ENTREP2: variants seen among roughly 807,000 people sequenced by gnomAD.
ENTREP2 encodes protein ENTREP2.
At chr15:29,496,946 G>T in the ENTREP2 span, among the ~76,000 whole-genome samples, 1 of 152,116 alleles carries the variant, frequency 6.6e-6, no homozygotes, top group Admixed American at 6.5e-5. Context: ...TTCTTGCTAT[G>T]GTTTGAATAT....
At chr15:29,546,915 A>C in the ENTREP2 span, among the ~76,000 whole-genome samples, 12 of 145,810 alleles carry the variant, frequency 8.2e-5, no homozygotes, top group African/African-American at 7.7e-5. Context: ...AAAAAAAAAA[A>C]CGGATACAAT....
chr15:29,487,435 TTCTC>T, the ENTREP2 span, among the ~76,000 whole-genome samples: 5 of 152,192 alleles, frequency 3.3e-5, no homozygotes, highest in African/African-American at 4.8e-5. Flanking sequence ...GGTCAGTCTC[TTCTC>T]TCTCTGTTTT....
chr15:29,541,304 C>G, the ENTREP2 span, among the ~76,000 whole-genome samples: 1 of 152,340 alleles, frequency 6.6e-6, no homozygotes, highest in South Asian at 2.1e-4. Flanking sequence ...TAAATCGGTA[C>G]TGAGCACCTG....
chr15:29,180,771 C>T, the ENTREP2 span, among the ~76,000 whole-genome samples: 1 of 151,694 alleles, frequency 6.6e-6, no homozygotes, highest in Non-Finnish European at 1.5e-5. Flanking sequence ...AACCCAGGGA[C>T]TGAAAAATAA....
At chr15:29,501,338 G>C in the ENTREP2 span, among the ~76,000 whole-genome samples, 2 of 151,922 alleles carry the variant, frequency 1.3e-5, no homozygotes. Context: ...TGACCAAGTA[G>C]AGTTTATCCC....
At chr15:29,570,600 G>C in the ENTREP2 span, 1 of 1,461,962 alleles carries the variant, frequency 6.8e-7, no homozygotes, top group Non-Finnish European at 9.0e-7. Flanking sequence ...AGGCATCCGA[G>C]CGCCATCTGC....
At chr15:29,169,572 T>C in the ENTREP2 span, among the ~76,000 whole-genome samples, 90 of 152,278 alleles carry the variant, frequency 5.9e-4, no homozygotes, top group Middle Eastern at 6.8e-3. Context: ...TTAAATACAG[T>C]AGCATTTTAA....
chr15:29,462,597 C>T, the ENTREP2 span, among the ~76,000 whole-genome samples: 3 of 151,548 alleles, frequency 2.0e-5, no homozygotes, highest in Admixed American at 6.6e-5. Context: ...GCAACAAGAG[C>T]GAAATTCGAT....
At chr15:29,590,532 A>C in the ENTREP2 span, among the ~76,000 whole-genome samples, 8 of 151,748 alleles carry the variant, frequency 5.3e-5, no homozygotes, top group African/African-American at 1.5e-4. Flanking sequence ...AAAATACAAA[A>C]AATTAGCCAG....
chr15:29,579,837 A>AGTAGCTG, the ENTREP2 span, among the ~76,000 whole-genome samples: 1 of 151,282 alleles, frequency 6.6e-6, no homozygotes, highest in Non-Finnish European at 1.5e-5. Flanking sequence ...CAGCCTCCCG[A>AGTAGCTG]GTAGCTGGGC....
chr15:29,428,565 C>CA, the ENTREP2 span, among the ~76,000 whole-genome samples: 587 of 139,198 alleles, frequency 4.2e-3, 7 homozygotes, highest in African/African-American at 0.012. Flanking sequence ...GCTCTTTTCC[C>CA]AAAAAAAAAA....
chr15:29,499,722 A>G, the ENTREP2 span, among the ~76,000 whole-genome samples: 1 of 152,114 alleles, frequency 6.6e-6, no homozygotes, highest in South Asian at 2.1e-4. Flanking sequence ...CTACTTTCTG[A>G]TAGTGAAGTG....
the ENTREP2 span, among the ~76,000 whole-genome samples, chr15:29,124,351 C>T: frequency 2.6e-5 from 4 of 152,218 alleles, no homozygotes; most frequent in African/African-American, 4.8e-5. Context: ...CATTCTGGGT[C>T]GTCTGTTCTG....
the ENTREP2 span, among the ~76,000 whole-genome samples, chr15:29,449,515 C>T: frequency 9.8e-4 from 150 of 152,320 alleles, no homozygotes; most frequent in African/African-American, 3.4e-3. Flanking sequence ...TGTGAATGAT[C>T]ACCCTTTATG....
At chr15:29,180,118 T>C in the ENTREP2 span, among the ~76,000 whole-genome samples, 2 of 151,490 alleles carry the variant, frequency 1.3e-5, no homozygotes, top group East Asian at 3.9e-4. Context: ...ACCATAGGAG[T>C]GGAGGAACAC....
At chr15:29,447,679 G>C in the ENTREP2 span, among the ~76,000 whole-genome samples, 2 of 150,886 alleles carry the variant, frequency 1.3e-5, no homozygotes, top group African/African-American at 4.9e-5. Flanking sequence ...CGTAGAGATG[G>C]GGGTCTCGCC....
the ENTREP2 span, among the ~76,000 whole-genome samples, chr15:29,404,540 C>T: frequency 6.6e-6 from 1 of 151,978 alleles, no homozygotes; most frequent in African/African-American, 2.4e-5. Flanking sequence ...CACCCTCCTG[C>T]CTTGGCCGCC....
the ENTREP2 span, among the ~76,000 whole-genome samples, chr15:29,258,212 C>CAAAAAAAA: frequency 2.5e-4 from 30 of 118,266 alleles, no homozygotes; most frequent in African/African-American, 4.9e-4. Flanking sequence ...GGCTCAGTCT[C>CAAAAAAAA]AAAAAAAAAA....
At chr15:29,262,706 C>A in the ENTREP2 span, among the ~76,000 whole-genome samples, 1 of 152,210 alleles carries the variant, frequency 6.6e-6, no homozygotes, top group East Asian at 1.9e-4. Flanking sequence ...GTTGTGTGGA[C>A]TGCTCTTGCA....
Sources: allele counts gnomAD v4.1 joint callset (sites outside exome capture counted in the v4.1 genomes callset), GRCh38; gene constraint gnomAD v4.1.1; transcripts MANE v1.5; gene names NCBI Gene and HGNC (gene_info 2026-07-23, HGNC 2026-07-21).